CDH12: variants seen among roughly 807,000 people sequenced by gnomAD.
CDH12 encodes the protein cadherin-12.
CDH12 carries 41 observed loss-of-function variants against 74.1 expected under a neutral mutation model. The ratio of observed to expected loss-of-function variants is 0.55; its 90% CI spans 0.43 to 0.72. The LOEUF is 0.72. Among genes scored for constraint, CDH12 ranks in the 30% least tolerant of loss-of-function variants. The pLI is 0.00. For missense variants in CDH12, 945 were observed against 977.2 expected (o/e 0.97, Z 0.44); for synonymous variants, 399 against 355.0 (o/e 1.12, Z -1.39).
chr5:22,235,054 T>A (rs1210634111), intron 3 of CDH12, among the ~76,000 whole-genome samples: 1 of 152,296 alleles, frequency 6.6e-6, no homozygotes, highest in South Asian at 2.1e-4. Flanking sequence ...TTGACTATCG[T>A]AAAGAAATAA....
chr5:22,142,587 A>G (rs1489870398), intron 4 of CDH12: 4 of 639,222 alleles, frequency 6.3e-6, no homozygotes, highest in Admixed American at 2.5e-5. Context: ...TTTGACAGTG[A>G]GTAGTTTTTC....
chr5:22,625,293 C>T (rs1210814381), intron 1 of CDH12, among the ~76,000 whole-genome samples: 1 of 151,820 alleles, frequency 6.6e-6, no homozygotes, highest in African/African-American at 2.4e-5. Flanking sequence ...TACCCTAGAA[C>T]TTAAAGTATA....
intron 2 of CDH12, among the ~76,000 whole-genome samples, chr5:22,466,776 C>CTTTTTTTTTTTT (rs70959733): frequency 9.8e-5 from 5 of 50,968 alleles, no homozygotes; most frequent in African/African-American, 1.7e-4. Flanking sequence ...CCTCAGGAAT[C>CTTTTTTTTTTTT]TTTTTTTTTT....
chr5:22,823,183 T>C lies in CDH12; in HGVS notation c.-523+29875A>G, dbSNP rs376383971. ...TCACTCATAGGTGGGAATTGAACAA[T>C]GAGAACACTTGGACACAGGAAGGGG... is the stretch of plus-strand genomic sequence containing the variant. On this transcript the variant is annotated intron_variant, in intron 1 of 14. Coordinates refer to ENST00000382254, the MANE Select transcript of CDH12 (RefSeq NM_004061.5). Among the ~76,000 whole-genome samples, 31 of 129,794 alleles carry C rather than the reference T, an allele frequency of 2.4e-4. No individual in the cohort carries two copies. In the East Asian group the frequency reaches 6.7e-3, roughly 28 times the overall value. 85.1% of individuals were successfully genotyped at this position (129,794 alleles called of 152,430 possible).
chr5:21,840,402 T>C (rs1749771210), intron 8 of CDH12, among the ~76,000 whole-genome samples: 1 of 150,716 alleles, frequency 6.6e-6, no homozygotes, highest in South Asian at 2.1e-4. Context: ...ATGAATCTCA[T>C]CAAAATGTTC....
chr5:22,178,049 C>T (rs1240653630), intron 4 of CDH12, among the ~76,000 whole-genome samples: 2 of 152,182 alleles, frequency 1.3e-5, no homozygotes, highest in African/African-American at 4.8e-5. Flanking sequence ...GCTGCATCTT[C>T]CCTCACTGGC....
rs113660002 is a variant in CDH12, at chr5:22,427,048, C to A, written c.-427-21697G>T. 3.9e-3 allele frequency among the ~76,000 whole-genome samples: 592 copies of A among 152,268 alleles called. 7 individuals are homozygous for A. Among genetic ancestry groups the A allele is most frequent in the African/African-American group, 0.014 (562 of 41,552 alleles). On this transcript the variant is annotated intron_variant, in intron 2 of 14. Transcript: ENST00000382254. ...CCTCTTTCCTTCACCACTTTTCTCT[C>A]CCCTGTGATAACTTTTTGCCTCCTC...
chr5:22,293,413 C>A (rs773114423), intron 3 of CDH12, among the ~76,000 whole-genome samples: 1 of 152,018 alleles, frequency 6.6e-6, no homozygotes, highest in East Asian at 1.9e-4. Flanking sequence ...ATTTCCAACA[C>A]TTAAAAAAAA....
chr5:22,786,697 C>A (rs1747642280), intron 1 of CDH12, among the ~76,000 whole-genome samples: 1 of 150,694 alleles, frequency 6.6e-6, no homozygotes, highest in African/African-American at 2.4e-5. Flanking sequence ...TGCCTACATT[C>A]TTTTTTTTTC....
At chr5:22,363,901 G>A (rs180813497) in intron 3 of CDH12, among the ~76,000 whole-genome samples, 4 of 152,252 alleles carry the variant, frequency 2.6e-5, no homozygotes, top group African/African-American at 4.8e-5. Context: ...TCTTAGTAAC[G>A]TGATATTCTG....
chr5:21,857,671 C>G (rs554413796), intron 6 of CDH12, among the ~76,000 whole-genome samples: 1 of 151,586 alleles, frequency 6.6e-6, no homozygotes, highest in Admixed American at 6.6e-5. Context: ...CAGGAGATGC[C>G]CACATGATAC....
intron 3 of CDH12, among the ~76,000 whole-genome samples, chr5:22,347,649 A>G (rs984610863): frequency 7.9e-5 from 12 of 152,168 alleles, no homozygotes; most frequent in African/African-American, 2.9e-4. Context: ...GTCCCTCTAA[A>G]GAATCCTGAC....
chr5:22,605,862 T>G (rs896871649), intron 1 of CDH12, among the ~76,000 whole-genome samples: 15 of 152,204 alleles, frequency 9.9e-5, no homozygotes, highest in African/African-American at 2.9e-4. Context: ...GAGGTCCTTG[T>G]GCAGGCAAGC....
intron 6 of CDH12, among the ~76,000 whole-genome samples, chr5:21,933,886 A>C (rs1754957246): frequency 6.6e-6 from 1 of 152,130 alleles, no homozygotes; most frequent in Non-Finnish European, 1.5e-5. Context: ...TCCCCTGTGA[A>C]ACTTTTGTAA....
chr5:21,937,000 C>T (rs572212751), intron 6 of CDH12, among the ~76,000 whole-genome samples: 179 of 152,222 alleles, frequency 1.2e-3, no homozygotes, highest in Non-Finnish European at 1.7e-3. Flanking sequence ...CAGGTAGTAT[C>T]TTTATAGCAG....
At chr5:22,572,676 T>G (rs772665423) in intron 1 of CDH12, among the ~76,000 whole-genome samples, 1 of 152,218 alleles carries the variant, frequency 6.6e-6, no homozygotes, top group Non-Finnish European at 1.5e-5. Flanking sequence ...CAACCCTATC[T>G]TTTGGTTGAA....
intron 6 of CDH12, among the ~76,000 whole-genome samples, chr5:21,878,907 AAAAG>A: frequency 6.9e-6 from 1 of 145,098 alleles, no homozygotes; most frequent in Non-Finnish European, 1.5e-5. Context: ...AAAGAAAAAG[AAAAG>A]AAAGGAAGAA....
At chr5:21,902,963 A>G (rs1036972517) in intron 6 of CDH12, among the ~76,000 whole-genome samples, 6 of 152,144 alleles carry the variant, frequency 3.9e-5, no homozygotes, top group Admixed American at 6.6e-5. Context: ...TCAAATTATT[A>G]TGTCATAAAT....
rs1051372636 is a variant in CDH12 at position 21,836,365 on chromosome 5, A to C, written c.814+5796T>G. The stretch of plus-strand genomic sequence containing the variant: ...AATGTTGTTGTATTTATGAGTAAGA[A>C]ATTTTCTTAGAACGATTATTGACGT... On this transcript the variant is annotated intron_variant, in intron 8 of 14. Coordinates refer to ENST00000382254, the MANE Select transcript of CDH12 (RefSeq NM_004061.5). Among the ~76,000 whole-genome samples, 12 of 151,584 alleles carry C rather than the reference A, an allele frequency of 7.9e-5. 1 individual carries two copies. The highest frequency in any genetic ancestry group is 2.9e-4 in the African/African-American group (12 of 41,384).
Sources: gnomAD v4.1 joint callset for allele counts (sites outside exome capture counted in the v4.1 genomes callset) on GRCh38, gnomAD v4.1.1 for gene constraint, MANE v1.5 for transcripts, NCBI Gene and HGNC (gene_info 2026-07-23, HGNC 2026-07-21) for gene names.